LRBA: variants seen among roughly 807,000 people sequenced by gnomAD.
The protein encoded by LRBA is LPS responsive beige-like anchor protein.
A neutral mutation model predicts 330.0 loss-of-function variants in LRBA; 176 were observed. That is an observed-to-expected ratio of 0.53 (90% CI 0.47 to 0.60). The LOEUF (loss-of-function observed/expected upper bound fraction) is 0.60. Among genes scored for constraint, LRBA ranks in the 20% least tolerant of loss-of-function variants. LRBA has a pLI of 0.00. For missense variants in LRBA, 3,259 were observed against 3,444.8 expected, an observed-to-expected ratio of 0.95 and a Z score of 1.35; for synonymous variants, 1,230 against 1,193.0, an observed-to-expected ratio of 1.03 and a Z score of -0.64.
Position 150,928,465 on chromosome 4 carries a change from G to C in LRBA, c.549+51C>G, listed in dbSNP as rs958049417. 16 of 1,095,678 alleles carry C rather than the reference G, an allele frequency of 1.5e-5. No homozygotes were observed. The African/African-American group carries it at 2.0e-4, about 14-fold the overall frequency. The allele number at this position is 1,095,678 out of a possible 1,614,324, so 67.9% of individuals were successfully genotyped here. ...CAGTTACTTTACAAGCTACGAATGT[G>C]TTTGGGAGGAGCATACTTTAAAATA... On this transcript the variant is annotated intron_variant, in intron 4 of 56. Transcript: ENST00000651943.
chr4:150,718,296 G>A (rs1226629974), intron 36 of LRBA, among the ~76,000 whole-genome samples: 1 of 152,110 alleles, frequency 6.6e-6, no homozygotes, highest in African/African-American at 2.4e-5. Flanking sequence ...GATAATAAAT[G>A]AAACAAGTCA....
At chr4:150,267,239 A>G (rs1553984848) in intron 56 of LRBA, among the ~76,000 whole-genome samples, 3 of 152,170 alleles carry the variant, frequency 2.0e-5, no homozygotes, top group Non-Finnish European at 2.9e-5. Flanking sequence ...TAGAATATAC[A>G]TTTTTTTGCA....
At chr4:150,948,116 A>T (rs886173131) in intron 2 of LRBA, among the ~76,000 whole-genome samples, 1 of 152,106 alleles carries the variant, frequency 6.6e-6, no homozygotes, top group African/African-American at 2.4e-5. Context: ...TTTTGCAGAT[A>T]TAGAAAAGAT....
chr4:150,848,399 T>C (rs1391354589), intron 26 of LRBA, among the ~76,000 whole-genome samples: 1 of 152,040 alleles, frequency 6.6e-6, no homozygotes, highest in Non-Finnish European at 1.5e-5. Context: ...TAAGTTTATG[T>C]ATCTCCTTAA....
At chr4:150,949,927 A>C (rs72721703) in intron 2 of LRBA, among the ~76,000 whole-genome samples, 2 of 152,254 alleles carry the variant, frequency 1.3e-5, no homozygotes, top group African/African-American at 4.8e-5. Context: ...AAGATGAAGC[A>C]TATATTGATA....
chr4:150,614,171 A>G lies in LRBA; in HGVS notation c.5922-15040T>C, dbSNP rs188162189. ...TTAATGATTAAAGGCTTACCCTTTC[A>G]TTTTTGGCTTGTTACTTTAATTGGC... On this transcript the variant is annotated intron_variant, in intron 37 of 56. Transcript: ENST00000651943. Among the ~76,000 whole-genome samples, 17 of 152,266 alleles carry G rather than the reference A, an allele frequency of 1.1e-4. No individual in the cohort carries two copies. The East Asian group carries it at 1.9e-3, about 17-fold the overall frequency.
intron 44 of LRBA, 107 bp downstream of exon 44, chr4:150,467,566 C>T (rs113752769): frequency 4.2e-5 from 26 of 617,194 alleles, no homozygotes; most frequent in Admixed American, 1.2e-4. Flanking sequence ...ATTAAAGGTA[C>T]GACTATATTT....
At chr4:150,415,280 G>C (rs1260989795) in intron 47 of LRBA, among the ~76,000 whole-genome samples, 158 bp downstream of exon 47, 2 of 152,172 alleles carry the variant, frequency 1.3e-5, no homozygotes, top group Non-Finnish European at 2.9e-5. Context: ...ATTTCATAAA[G>C]TATATACAAG....
intron 40 of LRBA, among the ~76,000 whole-genome samples, chr4:150,516,215 CTCTTTTTTTTTTTT>C (rs776936319): frequency 0.22 from 19,316 of 86,656 alleles, 1,497 homozygotes; most frequent in Middle Eastern, 0.32. Flanking sequence ...ATTTTCTATT[CTCTTTTTTTTTTTT>C]TTTTTTTTTT....
chr4:150,671,932 G>GT (rs1412650547), intron 37 of LRBA, among the ~76,000 whole-genome samples: 1 of 152,180 alleles, frequency 6.6e-6, no homozygotes, highest in Non-Finnish European at 1.5e-5. Context: ...TGAAGGAACT[G>GT]TTTAAGGAAA....
chr4:151,002,535 A>T (rs1485514987), intron 2 of LRBA, among the ~76,000 whole-genome samples: 21 of 151,316 alleles, frequency 1.4e-4, no homozygotes, highest in Non-Finnish European at 2.5e-4. Flanking sequence ...ATCACACTCC[A>T]GCCTGGGCAA....
At chr4:150,711,452 G>C (rs968761540) in intron 36 of LRBA, among the ~76,000 whole-genome samples, 1 of 151,754 alleles carries the variant, frequency 6.6e-6, no homozygotes, top group South Asian at 2.1e-4. Flanking sequence ...TGGCCAGGCT[G>C]GTCTCGAACT....
intron 40 of LRBA, among the ~76,000 whole-genome samples, chr4:150,494,347 A>G (rs1561259369): frequency 1.3e-5 from 2 of 152,310 alleles, no homozygotes; most frequent in South Asian, 2.1e-4. Context: ...AACAAAAAAT[A>G]TTTTAAGCTC....
rs988004220 is a variant in LRBA at position 150,844,397 on chromosome 4, T to C, written c.4462-190A>G. Among the ~76,000 whole-genome samples the C allele has an allele frequency of 2.0e-5, 3 of 151,986 alleles. No individual in the cohort carries two copies. The East Asian group carries it at 5.8e-4, about 29-fold the overall frequency. ...GGGAGAGAGGTGGAGAAAGATGGCA[T>C]GCAGGAAAAAATGACATATTTGAAG... On this transcript the variant is annotated intron_variant, in intron 27 of 56. Transcript: ENST00000651943.
intron 46 of LRBA, among the ~76,000 whole-genome samples, chr4:150,430,922 T>C (rs1310228368): frequency 6.6e-6 from 1 of 152,110 alleles, no homozygotes; most frequent in African/African-American, 2.4e-5. Context: ...AGTCAGATTG[T>C]ACTTCACCAT....
chr4:150,838,278 C>T (rs951630755), intron 28 of LRBA, among the ~76,000 whole-genome samples: 2 of 152,158 alleles, frequency 1.3e-5, no homozygotes, highest in South Asian at 2.1e-4. Flanking sequence ...CTTGGAGTTG[C>T]TCTTCTCGAG....
At chr4:150,341,257 G>A (rs1306781193) in intron 48 of LRBA, among the ~76,000 whole-genome samples, 1 of 152,140 alleles carries the variant, frequency 6.6e-6, no homozygotes, top group Admixed American at 6.6e-5. Flanking sequence ...TGCCTCCCCA[G>A]TTCAAACAAT....
At chr4:150,544,140 T>A (rs76808377) in intron 40 of LRBA, among the ~76,000 whole-genome samples, 3 of 151,848 alleles carry the variant, frequency 2.0e-5, no homozygotes, top group Non-Finnish European at 4.4e-5. Context: ...TTTTTTTTTT[T>A]CTTTCAAGAC....
chr4:150,990,938 T>C (rs1742000136), intron 2 of LRBA, among the ~76,000 whole-genome samples: 1 of 151,662 alleles, frequency 6.6e-6, no homozygotes, highest in South Asian at 2.1e-4. Context: ...CAAGAATCAC[T>C]TGAACCAGGG....
Sources: allele counts gnomAD v4.1 joint callset (sites outside exome capture counted in the v4.1 genomes callset), GRCh38; gene constraint gnomAD v4.1.1; transcripts MANE v1.5; gene names NCBI Gene and HGNC (gene_info 2026-07-23, HGNC 2026-07-21).